Variants in CPLANE1 observed in about 807,000 individuals in gnomAD.
CPLANE1 encodes the protein ciliogenesis and planar polarity effector 1.
A neutral mutation model predicts 362.5 loss-of-function variants in CPLANE1; 263 were observed. The observed-to-expected ratio is 0.73, with a 90% CI of 0.66 to 0.80. CPLANE1 has a LOEUF of 0.80. CPLANE1 is among the 30% of genes least tolerant of loss of function. The probability of loss-of-function intolerance (pLI) is 0.00; values close to 1 mark genes in which losing one functional copy is unlikely to be tolerated. For missense variants in CPLANE1, 3,461 were observed against 3,793.4 expected (o/e 0.91, Z 2.30); for synonymous variants, 1,212 against 1,302.6 (o/e 0.93, Z 1.50).
chr5:37,082,722 T>A, the CPLANE1 span, among the ~76,000 whole-genome samples: 1 of 144,254 alleles, frequency 6.9e-6, no homozygotes, highest in African/African-American at 2.6e-5. Context: ...ACACACAGAC[T>A]GAAAGTGAAG....
chr5:37,131,742 G>A (rs1765884370), intron 46 of CPLANE1, among the ~76,000 whole-genome samples: 1 of 152,094 alleles, frequency 6.6e-6, no homozygotes, highest in Non-Finnish European at 1.5e-5. Context: ...ACGTTGGACA[G>A]GCTGGTCTCG....
intron 52 of CPLANE1, 60 bp downstream of exon 52, chr5:37,108,233 C>CA: frequency 1.4e-6 from 2 of 1,479,684 alleles, no homozygotes; most frequent in East Asian, 4.6e-5. Context: ...AACAAACAAA[C>CA]AAAAAACCTG....
At chr5:37,231,309 G>A (rs899485842) in intron 8 of CPLANE1, among the ~76,000 whole-genome samples, 8 of 152,270 alleles carry the variant, frequency 5.3e-5, no homozygotes, top group South Asian at 2.1e-4. Flanking sequence ...GCCAGGCACC[G>A]TGGCTCAAGC....
chr5:37,145,536 T>C (rs1437898964), intron 43 of CPLANE1, among the ~76,000 whole-genome samples: 3 of 152,100 alleles, frequency 2.0e-5, no homozygotes, highest in Non-Finnish European at 4.4e-5. Flanking sequence ...GCTCAAGTGA[T>C]CCTCCCACCT....
In CPLANE1 at chr5:37,173,842, G is replaced by C. The variant is rs749894885; in HGVS notation, c.6084C>G (p.Thr2028=). 1 of 1,614,032 alleles carries C rather than the reference G, an allele frequency of 6.2e-7. No homozygotes were observed. Among genetic ancestry groups the C allele is most frequent in the Non-Finnish European group, 8.5e-7 (1 of 1,179,990 alleles). Residue 2028 remains threonine, a synonymous_variant, in exon 32 of 53, where the codon ACC becomes ACG. Coordinates refer to ENST00000651892, the MANE Select transcript of CPLANE1 (RefSeq NM_001384732.1). The stretch of plus-strand genomic sequence containing the variant: ...ACTGAGCCGTGAATTCATTTCTCTG[G>C]GTCTTCTGAGGTGTTGGAGCAGGTG... ...SQPPAPTPQK[T]QRNEFTAQLP...
intron 4 of CPLANE1, 48 bp downstream of exon 4, chr5:37,245,431 C>T (rs1581064269): frequency 7.4e-7 from 1 of 1,358,462 alleles, no homozygotes. Context: ...ATCCTCTTTT[C>T]CTATTTTTCC....
chr5:37,164,912 C>G (rs547006866), intron 36 of CPLANE1, among the ~76,000 whole-genome samples: 1 of 152,122 alleles, frequency 6.6e-6, no homozygotes, highest in East Asian at 1.9e-4. Context: ...GGAGACCAGC[C>G]TGGGCAACAC....
rs1377065944 is a variant in CPLANE1, at chr5:37,107,339, A to T, written c.*263T>A. 3 of 1,181,346 alleles carry T rather than the reference A, an allele frequency of 2.5e-6. No individual in the cohort carries two copies. The highest frequency in any genetic ancestry group is 3.1e-6 in the Non-Finnish European group (3 of 956,576). 73.2% of individuals were successfully genotyped at this position (1,181,346 alleles called of 1,614,324 possible). ...TGCAAACTTGGCTTGAAAGGTACTT[A>T]TCATTTTAAAAATTATGCCTAATGA... On this transcript the variant is annotated 3_prime_UTR_variant, in exon 53 of 53. Transcript: ENST00000651892.
intron 46 of CPLANE1, among the ~76,000 whole-genome samples, chr5:37,126,106 A>G (rs1764059567): frequency 6.6e-6 from 1 of 152,308 alleles, no homozygotes; most frequent in Non-Finnish European, 1.5e-5. Flanking sequence ...TGAATGGCAC[A>G]TGCCTGAAAT....
At position 37,244,333 on chromosome 5, in the gene CPLANE1, T is replaced by C. The variant is rs775457522; in HGVS notation, c.570+42A>G. On this transcript the variant is annotated intron_variant, in intron 5 of 52. Transcript: ENST00000651892. ...TATATAGTTATACCATTACACACTC[T>C]GCTAATCTGCTTCACAGATAAGAGT... The C allele has an allele frequency of 1.4e-5, 19 of 1,348,008 alleles. No individual in the cohort carries two copies. The South Asian group carries it at 2.3e-4, about 16-fold the overall frequency. 83.5% of individuals were successfully genotyped at this position (1,348,008 alleles called of 1,614,324 possible).
At chr5:37,114,825 G>C in intron 51 of CPLANE1, 135 bp downstream of exon 51, 1 of 578,448 alleles carries the variant, frequency 1.7e-6, no homozygotes, top group Non-Finnish European at 3.0e-6. Flanking sequence ...ACTTGAACCC[G>C]GGAGTGGAGG....
the CPLANE1 span, among the ~76,000 whole-genome samples, chr5:37,089,279 A>G: frequency 1.3e-5 from 2 of 152,130 alleles, no homozygotes; most frequent in African/African-American, 4.8e-5. Context: ...TATGATTCAG[A>G]AGGAAGAAAG....
chr5:37,182,966 T>C lies in CPLANE1; in HGVS notation c.5215A>G (p.Thr1739Ala). Residue 1739 changes from threonine to alanine, a missense_variant, in exon 26 of 53, where the codon ACT (threonine) becomes GCT (alanine). Coordinates refer to ENST00000651892, the MANE Select transcript of CPLANE1 (RefSeq NM_001384732.1). ...PQEDLPLALN[T>A]FGSIGRLLEW... is the part of the protein sequence containing the mutation. ...AGCAGTCTTCCTATACTGCCAAAAG[T>C]GTTTAGTGCTAAAGGAAGATCTTCT... is the stretch of plus-strand genomic sequence containing the variant. The C allele has an allele frequency of 6.2e-7, 1 of 1,606,356 alleles. No individual in the cohort carries two copies.
At chr5:37,241,587 A>T (rs1800496588) in intron 6 of CPLANE1, among the ~76,000 whole-genome samples, 1 of 152,184 alleles carries the variant, frequency 6.6e-6, no homozygotes, top group Non-Finnish European at 1.5e-5. Flanking sequence ...TATATTTTTC[A>T]AAGTCTAGTT....
chr5:37,157,522 G>T, intron 40 of CPLANE1, 102 bp from the exon 41 acceptor site: 1 of 1,138,260 alleles, frequency 8.8e-7, no homozygotes, highest in Non-Finnish European at 1.3e-6. Context: ...AAGGTAATCC[G>T]AAGATTAACA....
the CPLANE1 span, among the ~76,000 whole-genome samples, chr5:37,077,738 C>T: frequency 2.0e-5 from 3 of 151,206 alleles, no homozygotes; most frequent in Admixed American, 6.6e-5. Flanking sequence ...CTCAGCCTCC[C>T]AAGTAGCTGG....
chr5:37,163,044 C>T (rs1341659193), intron 37 of CPLANE1, among the ~76,000 whole-genome samples: 1 of 152,152 alleles, frequency 6.6e-6, no homozygotes, highest in African/African-American at 2.4e-5. Context: ...AGAATCAAAA[C>T]CAAAACTGTT....
At chr5:37,179,957 TATTA>T (rs1221702210) in intron 28 of CPLANE1, 56 bp downstream of exon 28, 3 of 1,163,980 alleles carry the variant, frequency 2.6e-6, no homozygotes, top group Non-Finnish European at 3.6e-6. Flanking sequence ...CCTCAGATAA[TATTA>T]TTTACCAATT....
chr5:37,213,387 A>C (rs1028572237), intron 16 of CPLANE1, among the ~76,000 whole-genome samples, 172 bp downstream of exon 16: 1 of 152,210 alleles, frequency 6.6e-6, no homozygotes, highest in Non-Finnish European at 1.5e-5. Flanking sequence ...AAACGAATCT[A>C]AGCCATTACT....
Sources: gnomAD v4.1 joint callset for allele counts (sites outside exome capture counted in the v4.1 genomes callset) on GRCh38, gnomAD v4.1.1 for gene constraint, MANE v1.5 for transcripts, NCBI Gene and HGNC (gene_info 2026-07-23, HGNC 2026-07-21) for gene names.